PRSS35: variants seen among roughly 807,000 people sequenced by gnomAD.
PRSS35 encodes serine protease 35, also known as inactive serine protease 35.
In PRSS35, 7 loss-of-function variants were observed where a neutral mutation model predicts 8.1. The ratio of observed to expected loss-of-function variants is 0.86; its 90% CI spans 0.49 to 1.62. The LOEUF (loss-of-function observed/expected upper bound fraction) is 1.62, where lower values mean the gene tolerates loss of function less well. Ranked by LOEUF, PRSS35 falls within the 40% of genes most tolerant of loss-of-function variation. The probability of loss-of-function intolerance (pLI) is 0.00; values close to 1 mark genes in which losing one functional copy is unlikely to be tolerated. For missense variants in PRSS35, 566 were observed against 518.0 expected (o/e 1.09, Z -0.90); for synonymous variants, 199 against 188.7 (o/e 1.05, Z -0.45).
Position 83,524,706 on chromosome 6 carries a change from G to A in PRSS35, c.*23G>A, listed in dbSNP as rs1451070699. On this transcript the variant is annotated 3_prime_UTR_variant, in exon 2 of 2. Transcript: ENST00000369700. ...TAACAGAGACCTGAAACAGGGCGGT[G>A]TATCATCTAAATCACAGAGAAAACC... 3 of 1,573,624 alleles carry A rather than the reference G, an allele frequency of 1.9e-6. No individual in the cohort carries two copies. Among genetic ancestry groups the A allele is most frequent in the South Asian group, 2.4e-5 (2 of 82,482 alleles).
rs994769625 is a variant in PRSS35, at chr6:83,524,017, G to A, written c.576G>A (p.Arg192=). Residue 192 remains arginine, a synonymous_variant, in exon 2 of 2, where the codon AGG becomes AGA. Coordinates refer to ENST00000369700, the MANE Select transcript of PRSS35 (RefSeq NM_153362.3). ...KKLRVGLLKM[R]NKSGGKKRRG... The stretch of plus-strand genomic sequence containing the variant: ...TAAGGGTAGGGTTGTTGAAGATGAG[G>A]AATAAAAGTGGAGGCAAGAAACGTC... The A allele has an allele frequency of 1.9e-6, 3 of 1,613,988 alleles. No homozygotes were observed. In the Admixed American group the frequency reaches 5.0e-5, roughly 27 times the overall value.
intron 1 of PRSS35, among the ~76,000 whole-genome samples, chr6:83,515,039 A>G (rs1028721716): frequency 4.6e-5 from 7 of 152,224 alleles, no homozygotes; most frequent in Non-Finnish European, 7.3e-5. Flanking sequence ...TAGATTTGCC[A>G]TCACCAGGCT....
At chr6:83,517,274 C>G (rs1484352390) in intron 1 of PRSS35, among the ~76,000 whole-genome samples, 3 of 152,120 alleles carry the variant, frequency 2.0e-5, no homozygotes, top group African/African-American at 7.2e-5. Context: ...AGCCCACTGC[C>G]CCCATAATCA....
In PRSS35 at chr6:83,523,896, C is replaced by T. The variant is rs758944799; in HGVS notation, c.455C>T (p.Thr152Met). ...TTCAGCACAGCTGTGAAGCTTTCCA[C>T]GGGCTGTAGTGGCATTCTCATTTCC... ...FPFSTAVKLS[T>M]GCSGILISPQ... Residue 152 changes from threonine (T) to methionine (M), a missense_variant, in exon 2 of 2, where the codon ACG (threonine) becomes ATG (methionine). Physicochemically the swap from Thr to Met is moderately conservative, Grantham distance 81. Transcript: ENST00000369700. The T allele has an allele frequency of 1.4e-5, 23 of 1,614,030 alleles. No homozygotes were observed. The highest frequency in any genetic ancestry group is 4.4e-5 in the South Asian group (4 of 91,082).
At chr6:83,520,465 C>T (rs1205548748) in intron 1 of PRSS35, among the ~76,000 whole-genome samples, 3 of 152,188 alleles carry the variant, frequency 2.0e-5, no homozygotes, top group East Asian at 3.8e-4. Flanking sequence ...GCTGAAGTTA[C>T]TAGTGTAGGG....
rs147139320 is a variant in PRSS35 at position 83,518,819 on chromosome 6, A to G, written c.-20-4603A>G. Among the ~76,000 whole-genome samples the G allele has an allele frequency of 2.9e-4, 44 of 152,350 alleles. No homozygotes were observed. In the Middle Eastern group the frequency reaches 0.014, roughly 47 times the overall value. On this transcript the variant is annotated intron_variant, in intron 1 of 1. Coordinates refer to ENST00000369700, the MANE Select transcript of PRSS35 (RefSeq NM_153362.3). ...CTACTTACTATCCTCTGGGCTCAGT[A>G]GTAATTCTTTGCGTGTATCATCTCA...
At chr6:83,518,249 T>C (rs547431698) in intron 1 of PRSS35, among the ~76,000 whole-genome samples, 1 of 152,312 alleles carries the variant, frequency 6.6e-6, no homozygotes, top group Admixed American at 6.5e-5. Flanking sequence ...AAACTGAGCC[T>C]TAAGGTATAA....
chr6:83,516,019 T>C (rs979841726), intron 1 of PRSS35, among the ~76,000 whole-genome samples: 14 of 151,724 alleles, frequency 9.2e-5, no homozygotes, highest in African/African-American at 3.4e-4. Flanking sequence ...TTCACCACGT[T>C]GGCCAGGCTG....
rs535446593 is a variant in PRSS35, at chr6:83,524,653, C to T, written c.1212C>T (p.His404=). The stretch of plus-strand genomic sequence containing the variant: ...ACGCCCAGATTTGCCTCTGGATTCA[C>T]GGGAACGATGCCAATTGTGCTTACG... ...LKYAQICLWI[H]GNDANCAYG is the part of the protein sequence containing the mutation. Residue 404 remains histidine (H), a synonymous_variant, in exon 2 of 2, where the codon CAC becomes CAT. Coordinates refer to ENST00000369700, the MANE Select transcript of PRSS35 (RefSeq NM_153362.3). 6.0e-5 allele frequency: 96 copies of T among 1,611,878 alleles called. 1 individual carries two copies. The South Asian group carries it at 9.9e-4, about 17-fold the overall frequency.
chr6:83,524,514 A>G lies in PRSS35; in HGVS notation c.1073A>G (p.Asp358Gly), dbSNP rs768376369. 6.2e-7 allele frequency: 1 copy of G among 1,614,182 alleles called. No individual in the cohort carries two copies. Among genetic ancestry groups the G allele is most frequent in the Non-Finnish European group, 8.5e-7 (1 of 1,180,038 alleles). ...SGVYLRLKDP[D>G]KKNWKRKIIA... ...GTCTATCTGCGTCTGAAAGATCCAG[A>G]CAAAAAGAATTGGAAGCGCAAAATC... The change falls in exon 2 of 2, where the codon GAC (aspartate) becomes GGC (glycine). Residue 358 changes from aspartate to glycine, a missense_variant. Asp to Gly is a moderately conservative substitution (Grantham distance 94, BLOSUM62 -1). Coordinates refer to ENST00000369700, the MANE Select transcript of PRSS35 (RefSeq NM_153362.3).
intron 1 of PRSS35, among the ~76,000 whole-genome samples, chr6:83,513,648 G>A (rs1355634253): frequency 6.6e-6 from 1 of 152,190 alleles, no homozygotes; most frequent in Non-Finnish European, 1.5e-5. Flanking sequence ...GTATCATATG[G>A]AATTTTATTT....
At position 83,524,654 on chromosome 6, in the gene PRSS35, G is replaced by T. The variant is rs767345620; in HGVS notation, c.1213G>T (p.Gly405Trp). The change falls in exon 2 of 2, where the codon GGG (glycine) becomes TGG (tryptophan). Residue 405 changes from glycine (G) to tryptophan (W), a missense_variant. Transcript: ENST00000369700. ...CGCCCAGATTTGCCTCTGGATTCACGGGAACGATGCCAATTGTGCTTACGG... is the reference window on the plus strand; with the variant it reads ...CGCCCAGATTTGCCTCTGGATTCACTGGAACGATGCCAATTGTGCTTACGG... ...KYAQICLWIH[G>W]NDANCAYG 13 of 1,611,800 alleles carry T rather than the reference G, an allele frequency of 8.1e-6. No individual in the cohort carries two copies. The South Asian group carries it at 1.4e-4, about 18-fold the overall frequency.
intron 1 of PRSS35, among the ~76,000 whole-genome samples, chr6:83,513,287 CAACTT>C (rs1771658312): frequency 1.3e-5 from 2 of 152,082 alleles, no homozygotes. Flanking sequence ...ACTTTTCTCT[CAACTT>C]AATACTTTTC....
At chr6:83,523,340 T>C (rs1466231950) in intron 1 of PRSS35, 82 bp from the exon 2 acceptor site, 1 of 1,065,978 alleles carries the variant, frequency 9.4e-7, no homozygotes, top group Non-Finnish European at 1.4e-6. Flanking sequence ...AAGGTACATT[T>C]AGGATCCAAG....
intron 1 of PRSS35, among the ~76,000 whole-genome samples, chr6:83,520,943 T>C (rs1771810689): frequency 1.3e-5 from 2 of 152,280 alleles, no homozygotes; most frequent in African/African-American, 2.4e-5. Context: ...CATTAAGATA[T>C]ACCAAATGAG....
chr6:83,524,774 G>A lies in PRSS35; in HGVS notation c.*91G>A. 1.6e-6 allele frequency: 2 copies of A among 1,286,812 alleles called. No individual in the cohort carries two copies. The highest frequency in any genetic ancestry group is 2.1e-6 in the Non-Finnish European group (2 of 946,302). The allele number at this position is 1,286,812 out of a possible 1,614,324, so 79.7% of individuals were successfully genotyped here. Reference sequence around the variant, plus strand: ...TGAGATCACTTCATAGGTTATGCCTGGACTTGAACTCTGTCAATAGCATTT... The same window carrying A: ...TGAGATCACTTCATAGGTTATGCCTAGACTTGAACTCTGTCAATAGCATTT... On this transcript the variant is annotated 3_prime_UTR_variant, in exon 2 of 2. Coordinates refer to ENST00000369700, the MANE Select transcript of PRSS35 (RefSeq NM_153362.3).
intron 1 of PRSS35, among the ~76,000 whole-genome samples, chr6:83,514,847 G>A (rs1771683547): frequency 6.6e-6 from 1 of 152,138 alleles, no homozygotes; most frequent in South Asian, 2.1e-4. Context: ...ATCAGGATGG[G>A]CTCTGTGGCC....
intron 1 of PRSS35, among the ~76,000 whole-genome samples, chr6:83,516,690 C>T (rs962891503): frequency 5.8e-4 from 88 of 151,190 alleles, no homozygotes; most frequent in African/African-American, 2.1e-3. Flanking sequence ...TTATGTTCCT[C>T]CTTCTGGAAG....
At chr6:83,516,058 G>T (rs1292097505) in intron 1 of PRSS35, among the ~76,000 whole-genome samples, 1 of 150,666 alleles carries the variant, frequency 6.6e-6, no homozygotes, top group Admixed American at 6.6e-5. Context: ...CAAGTGATCC[G>T]CCCACCTAGG....
Sources: allele counts gnomAD v4.1 joint callset (sites outside exome capture counted in the v4.1 genomes callset), GRCh38; gene constraint gnomAD v4.1.1; transcripts MANE v1.5; gene names NCBI Gene and HGNC (gene_info 2026-07-23, HGNC 2026-07-21).